CPS1: variants seen among roughly 807,000 people sequenced by gnomAD.
The protein encoded by CPS1 is carbamoyl-phosphate synthase 1.
In CPS1, 109 loss-of-function variants were observed where a neutral mutation model predicts 174.6. The observed-to-expected ratio is 0.62, with a 90% CI of 0.53 to 0.73. CPS1 has a LOEUF of 0.73. Among genes scored for constraint, CPS1 ranks in the 30% least tolerant of loss-of-function variants. The pLI is 0.00. For missense variants in CPS1, 1,689 were observed against 1,821.9 expected, an observed-to-expected ratio of 0.93 and a Z score of 1.33; for synonymous variants, 637 against 632.0, an observed-to-expected ratio of 1.01 and a Z score of -0.12.
At chr2:210,622,976 T>C (rs182066334) in intron 21 of CPS1, among the ~76,000 whole-genome samples, 499 of 152,194 alleles carry the variant, frequency 3.3e-3, no homozygotes, top group African/African-American at 0.012. Context: ...ATTTCGCTCT[T>C]TTACTGGCTA....
chr2:210,577,270 A>C, intron 3 of CPS1, 151 bp from the exon 4 acceptor site: 1 of 680,246 alleles, frequency 1.5e-6, no homozygotes, highest in African/African-American at 1.8e-5. Context: ...AAAGAAGGGC[A>C]TTGATTTTTT....
In CPS1 at chr2:210,642,667, T is replaced by C. The variant is rs2105901763; in HGVS notation, c.3141+2T>C. 9.3e-6 allele frequency: 15 copies of C among 1,613,050 alleles called. No individual in the cohort carries two copies. Among genetic ancestry groups the C allele is most frequent in the African/African-American group, 1.3e-5 (1 of 74,726 alleles). Reference sequence around the variant, plus strand: ...ATCCTAGACATCTACCATCAGGAGGTAAGAAAAGAAAAACAGAAAAAAAAG... The same window carrying C: ...ATCCTAGACATCTACCATCAGGAGGCAAGAAAAGAAAAACAGAAAAAAAAG... On this transcript the variant is annotated splice_donor_variant, in intron 25 of 37. Coordinates refer to ENST00000233072, the MANE Select transcript of CPS1 (RefSeq NM_001875.5). LOFTEE classifies it high-confidence loss of function.
At chr2:210,594,371 G>A (rs762551403) in intron 11 of CPS1, 137 bp from the exon 12 acceptor site, 5 of 658,224 alleles carry the variant, frequency 7.6e-6, no homozygotes, top group African/African-American at 3.7e-5. Context: ...TGACAAAAAA[G>A]CAAAAAAAGC....
At chr2:210,577,325 G>A in intron 3 of CPS1, 96 bp from the exon 4 acceptor site, 1 of 937,238 alleles carries the variant, frequency 1.1e-6, no homozygotes, top group Non-Finnish European at 1.8e-6. Flanking sequence ...TCATGTCAGT[G>A]GATATCATAA....
chr2:210,668,969 A>C (rs918672672), intron 34 of CPS1, among the ~76,000 whole-genome samples: 3 of 152,160 alleles, frequency 2.0e-5, no homozygotes, highest in African/African-American at 7.2e-5. Context: ...TATTTGATTA[A>C]ATTTCTCAAC....
chr2:210,579,006 T>G (rs1462665187), intron 4 of CPS1, among the ~76,000 whole-genome samples: 1 of 152,142 alleles, frequency 6.6e-6, no homozygotes, highest in Non-Finnish European at 1.5e-5. Context: ...GAATCCAAGA[T>G]AATAACCAGT....
At chr2:210,672,673 T>G (rs1701349761) in intron 34 of CPS1, 1 of 152,194 alleles carries the variant, frequency 6.6e-6, no homozygotes, top group Admixed American at 6.5e-5. Context: ...CGTCTAACCA[T>G]GAGCTTCTTG....
chr2:210,497,386 AT>A (rs1335177044), intron 1 of CPS1, among the ~76,000 whole-genome samples: 6 of 152,012 alleles, frequency 3.9e-5, no homozygotes, highest in Non-Finnish European at 8.8e-5. Context: ...TTTTTATTTA[AT>A]TTTTTTATAA....
In CPS1 at chr2:210,656,564, G is replaced by C; in HGVS notation, c.3598G>C (p.Gly1200Arg). 6.2e-7 allele frequency: 1 copy of C among 1,611,814 alleles called. No individual in the cohort carries two copies. Among genetic ancestry groups the C allele is most frequent in the Non-Finnish European group, 8.5e-7 (1 of 1,179,568 alleles). Reference protein sequence around the residue: ...HAISEHVEDAGVHSGDATLML... With the variant: ...HAISEHVEDARVHSGDATLML... ...CATCTCTGAACATGTTGAAGATGCA[G>C]GTGTCCACTCGGGAGATGCCACTCT... The change falls in exon 30 of 38, where the codon GGT (glycine) becomes CGT (arginine). Residue 1200 changes from glycine (G) to arginine (R), a missense_variant. Physicochemically the swap from Gly to Arg is moderately radical, Grantham distance 125 (BLOSUM62 -2). Coordinates refer to ENST00000233072, the MANE Select transcript of CPS1 (RefSeq NM_001875.5).
intron 29 of CPS1, among the ~76,000 whole-genome samples, chr2:210,655,837 C>T (rs1700687999): frequency 6.6e-6 from 1 of 152,068 alleles, no homozygotes; most frequent in Non-Finnish European, 1.5e-5. Flanking sequence ...AATTATTCTC[C>T]CTTACTCTCA....
rs897541185 is a variant in CPS1 at position 210,568,958 on chromosome 2, CT to C, written c.127-4331del. Among the ~76,000 whole-genome samples the C allele has an allele frequency of 6.0e-5, 9 of 151,188 alleles. No individual in the cohort carries two copies. The South Asian group carries it at 1.7e-3, about 28-fold the overall frequency. Reference sequence around the variant, plus strand: ...TGGGTGTGGGGTAGGAGAGCATATGCTTTTTTTTTCTACTATAACTTTTCCT... The same window carrying C: ...TGGGTGTGGGGTAGGAGAGCATATGCTTTTTTTTCTACTATAACTTTTCCT... On this transcript the variant is annotated intron_variant, in intron 1 of 37. Coordinates refer to ENST00000233072, the MANE Select transcript of CPS1 (RefSeq NM_001875.5).
chr2:210,576,228 A>G (rs2106079165), intron 2 of CPS1, 118 bp from the exon 3 acceptor site: 1 of 1,106,124 alleles, frequency 9.0e-7, no homozygotes, highest in African/African-American at 1.5e-5. Context: ...AAATCTAGAG[A>G]CATTCTTGTT....
intron 4 of CPS1, among the ~76,000 whole-genome samples, chr2:210,577,826 T>C (rs1249275357): frequency 6.6e-6 from 1 of 152,166 alleles, no homozygotes; most frequent in African/African-American, 2.4e-5. Flanking sequence ...TTACTCTCCT[T>C]CACCGTTTTA....
chr2:210,672,505 A>T (rs1343151378), intron 34 of CPS1: 1 of 152,160 alleles, frequency 6.6e-6, no homozygotes, highest in Non-Finnish European at 1.5e-5. Flanking sequence ...TATACCAAGG[A>T]ATCTTAAAAC....
intron 34 of CPS1, chr2:210,672,891 C>T (rs1024845248): frequency 6.6e-6 from 1 of 152,136 alleles, no homozygotes; most frequent in Admixed American, 6.6e-5. Context: ...GGGCCAGAAT[C>T]TGAAAGAATT....
At chr2:210,674,474 AAAAAAAAACC>A in intron 34 of CPS1, 4 of 148,894 alleles carry the variant, frequency 2.7e-5, no homozygotes, top group Non-Finnish European at 4.3e-5. Context: ...CCCATCTCAA[AAAAAAAAACC>A]AAAAAAAAAA....
chr2:210,642,691 A>G, intron 25 of CPS1, 26 bp downstream of exon 25: 3 of 1,598,046 alleles, frequency 1.9e-6, no homozygotes, highest in Non-Finnish European at 2.6e-6. Flanking sequence ...CAGAAAAAAA[A>G]GAAAAAAGAA....
chr2:210,642,901 A>C (rs1700273461), intron 25 of CPS1, among the ~76,000 whole-genome samples: 1 of 152,102 alleles, frequency 6.6e-6, no homozygotes, highest in South Asian at 2.1e-4. Context: ...TTTTATTTAC[A>C]TTTTCTTTCT....
intron 30 of CPS1, chr2:210,657,450 A>G (rs1700752574): frequency 6.6e-6 from 1 of 151,878 alleles, no homozygotes; most frequent in African/African-American, 2.4e-5. Context: ...AGCTGGGACT[A>G]CAGGCACCCG....
Sources: gnomAD v4.1 joint callset for allele counts (sites outside exome capture counted in the v4.1 genomes callset) on GRCh38, gnomAD v4.1.1 for gene constraint, MANE v1.5 for transcripts, NCBI Gene and HGNC (gene_info 2026-07-23, HGNC 2026-07-21) for gene names.